The following ABI1 variants were observed in gnomAD, a reference collection of about 807,000 sequenced individuals.
ABI1 encodes Abelson interactor 1.
Under a neutral mutation model 54.6 loss-of-function variants are expected in ABI1, and 14 were observed. The observed-to-expected ratio is 0.26, with a 90% CI of 0.17 to 0.40. The LOEUF (loss-of-function observed/expected upper bound fraction) is 0.40, where lower values mean the gene tolerates loss of function less well. Ranked by LOEUF, ABI1 falls within the 10% of genes least tolerant of loss-of-function variation. The pLI is 1.00. For missense variants in ABI1, 443 were observed against 598.3 expected (o/e 0.74, Z 2.71); for synonymous variants, 194 against 209.3 (o/e 0.93, Z 0.63).
At chr10:26,825,723 A>G (rs1167464530) in intron 1 of ABI1, among the ~76,000 whole-genome samples, 1 of 152,214 alleles carries the variant, frequency 6.6e-6, no homozygotes, top group Non-Finnish European at 1.5e-5. Context: ...CCGATGCTTT[A>G]TCAACTAAAT....
chr10:26,857,643 CAAAAA>C (rs372472533), intron 1 of ABI1, among the ~76,000 whole-genome samples: 3 of 84,490 alleles, frequency 3.6e-5, no homozygotes, highest in African/African-American at 1.2e-4. Context: ...GACTGTGTCT[CAAAAA>C]AAAAAAAAAA....
chr10:26,832,392 C>T (rs999710507), intron 1 of ABI1, among the ~76,000 whole-genome samples: 8 of 152,158 alleles, frequency 5.3e-5, no homozygotes, highest in African/African-American at 1.9e-4. Context: ...ACCATCCTGG[C>T]TAACACAATG....
At chr10:26,827,614 A>T (rs1411644200) in intron 1 of ABI1, among the ~76,000 whole-genome samples, 1 of 132,960 alleles carries the variant, frequency 7.5e-6, no homozygotes, top group Non-Finnish European at 1.6e-5. Context: ...TTTTTTTGAG[A>T]TGGAGTCTTG....
At chr10:26,787,035 T>C (rs80269687) in intron 2 of ABI1, among the ~76,000 whole-genome samples, 1 of 152,216 alleles carries the variant, frequency 6.6e-6, no homozygotes, top group African/African-American at 2.4e-5. Flanking sequence ...TTACTTCATG[T>C]TTAATTTTAC....
intron 2 of ABI1, among the ~76,000 whole-genome samples, chr10:26,819,865 T>C (rs1032148429): frequency 2.6e-5 from 4 of 152,174 alleles, no homozygotes; most frequent in Non-Finnish European, 5.9e-5. Context: ...AATTCTGTTA[T>C]TTGCAACATG....
intron 1 of ABI1, among the ~76,000 whole-genome samples, chr10:26,828,068 T>C (rs951625830): frequency 2.6e-5 from 4 of 152,234 alleles, no homozygotes; most frequent in African/African-American, 9.6e-5. Flanking sequence ...TAGTTTTTTA[T>C]TTTAAATGAG....
At chr10:26,847,088 G>A (rs898768175) in intron 1 of ABI1, among the ~76,000 whole-genome samples, 3 of 152,078 alleles carry the variant, frequency 2.0e-5, no homozygotes, top group Non-Finnish European at 2.9e-5. Flanking sequence ...CACATAATAC[G>A]TGTAAAAAGT....
intron 6 of ABI1, among the ~76,000 whole-genome samples, chr10:26,765,811 G>A (rs1357012542): frequency 2.6e-5 from 4 of 152,024 alleles, no homozygotes; most frequent in Non-Finnish European, 5.9e-5. Context: ...TATTTGAAAT[G>A]GTTTCCTCTA....
intron 8 of ABI1, among the ~76,000 whole-genome samples, chr10:26,757,089 T>C (rs1838412860): frequency 6.6e-6 from 1 of 152,094 alleles, no homozygotes; most frequent in Non-Finnish European, 1.5e-5. Flanking sequence ...TCTTAGTAAC[T>C]AGCCATGCTG....
At chr10:26,777,875 A>AC (rs1299564460) in intron 2 of ABI1, among the ~76,000 whole-genome samples, 1 of 151,980 alleles carries the variant, frequency 6.6e-6, no homozygotes, top group Non-Finnish European at 1.5e-5. Context: ...CTCCCCACAC[A>AC]CCCCCCAAAA....
In ABI1 at chr10:26,770,416, A is replaced by T. The variant is rs1385751905; in HGVS notation, c.478-71T>A. The T allele has an allele frequency of 7.4e-6, 10 of 1,347,540 alleles. No individual in the cohort carries two copies. The East Asian group carries it at 1.8e-4, about 25-fold the overall frequency. The allele number at this position is 1,347,540 out of a possible 1,614,324, so 83.5% of individuals were successfully genotyped here. A position where few individuals can be genotyped will look rare whatever the true frequency, so the allele number is the denominator to read the frequency against. On this transcript the variant is annotated intron_variant, in intron 4 of 10. Coordinates refer to ENST00000376140, the MANE Select transcript of ABI1 (RefSeq NM_001012750.3). ...TCCTGGTGTTTTAACACCATGTATT[A>T]TTTTTTTTAAATATCAGAATGTGAA...
Position 26,761,004 on chromosome 10 carries a change from G to A in ABI1, c.821-1766C>T, listed in dbSNP as rs532175581. ...GTCGCCCAGGCTGGAGTGCAGTGGT[G>A]GGATCACAGCTCACTGAAGCCTCAA... On this transcript the variant is annotated intron_variant, in intron 7 of 10. Coordinates refer to ENST00000376140, the MANE Select transcript of ABI1 (RefSeq NM_001012750.3). Among the ~76,000 whole-genome samples, 4 of 151,476 alleles carry A rather than the reference G, an allele frequency of 2.6e-5. No homozygotes were observed. The South Asian group carries it at 6.3e-4, about 24-fold the overall frequency.
At chr10:26,855,173 T>C (rs1380618947) in intron 1 of ABI1, among the ~76,000 whole-genome samples, 1 of 152,200 alleles carries the variant, frequency 6.6e-6, no homozygotes, top group African/African-American at 2.4e-5. Flanking sequence ...ACTTAACCTG[T>C]AGTTGAACAC....
At chr10:26,849,841 GTGTCAACATTCAGAAGGTCTGCAT>G (rs2050256380) in intron 1 of ABI1, among the ~76,000 whole-genome samples, 1 of 152,172 alleles carries the variant, frequency 6.6e-6, no homozygotes, top group Non-Finnish European at 1.5e-5. Context: ...ATAATGAAAT[GTGTCAACATTCAGAAGGTCTGCAT>G]AACTCAGTGA....
In ABI1 at chr10:26,777,146, A is replaced by G; in HGVS notation, c.381T>C (p.Pro127=). The G allele has an allele frequency of 6.2e-7, 1 of 1,614,002 alleles. No individual in the cohort carries two copies. The highest frequency in any genetic ancestry group is 8.5e-7 in the Non-Finnish European group (1 of 1,179,922). ...ACCTTACAGGGCGCTCCATATTCGCAGGTGCTATTATTTTGTGAGTTCTTG... is the reference window on the plus strand; with the variant it reads ...ACCTTACAGGGCGCTCCATATTCGCGGGTGCTATTATTTTGTGAGTTCTTG... The part of the protein sequence containing the change: ...NTSRTHKIIA[P]ANMERPVRYI... Residue 127 remains proline (P), a synonymous_variant, in exon 3 of 11, where the codon CCT becomes CCC. Coordinates refer to ENST00000376140, the MANE Select transcript of ABI1 (RefSeq NM_001012750.3).
intron 1 of ABI1, among the ~76,000 whole-genome samples, chr10:26,857,419 C>A (rs2050914254): frequency 6.7e-6 from 1 of 149,062 alleles, no homozygotes; most frequent in African/African-American, 2.5e-5. Context: ...GGCAGGCAGA[C>A]TGCTTGAGAC....
chr10:26,823,041 A>G, intron 2 of ABI1, 97 bp downstream of exon 2: 1 of 1,099,914 alleles, frequency 9.1e-7, no homozygotes, highest in Non-Finnish European at 1.3e-6. Flanking sequence ...ATCACCAGTA[A>G]GATGAGTCAG....
At chr10:26,828,955 G>A (rs543516238) in intron 1 of ABI1, among the ~76,000 whole-genome samples, 5 of 151,654 alleles carry the variant, frequency 3.3e-5, no homozygotes, top group South Asian at 4.2e-4. Context: ...AGCCGGGCGC[G>A]GTGGCTCACG....
At position 26,860,655 on chromosome 10, in the gene ABI1, G is replaced by C; in HGVS notation, c.117+92C>G. ...GGCTCGGGTTGGTGGCAGCCGCTGA[G>C]GTCAGGGCAGTTCCCCACCCCGCCC... On this transcript the variant is annotated intron_variant, in intron 1 of 10. Transcript: ENST00000376140. This position sits in a 1 kb window ranked among gnomAD's most constrained non-coding sequence, Gnocchi z 4.1. 1 of 1,013,432 alleles carries C rather than the reference G, an allele frequency of 9.9e-7. No individual in the cohort carries two copies. Among genetic ancestry groups the C allele is most frequent in the Non-Finnish European group, 1.5e-6 (1 of 647,306 alleles). 62.8% of individuals were successfully genotyped at this position (1,013,432 alleles called of 1,614,324 possible). A position where few individuals can be genotyped will look rare whatever the true frequency, so the allele number is the denominator to read the frequency against.
Sources: gnomAD v4.1 joint callset for allele counts (sites outside exome capture counted in the v4.1 genomes callset) on GRCh38, gnomAD v4.1.1 for gene constraint, Gnocchi (gnomAD v3.1) non-coding constraint, MANE v1.5 for transcripts, NCBI Gene and HGNC (gene_info 2026-07-23, HGNC 2026-07-21) for gene names.